Variants in RRM2 observed in about 807,000 individuals in gnomAD.
RRM2 encodes the protein ribonucleotide reductase regulatory subunit M2, also known as ribonucleoside-diphosphate reductase subunit M2.
A neutral mutation model predicts 45.9 loss-of-function variants in RRM2; 6 were observed. The ratio of observed to expected loss-of-function variants is 0.13; its 90% CI spans 0.07 to 0.26. The LOEUF (loss-of-function observed/expected upper bound fraction) is 0.26, where lower values mean the gene tolerates loss of function less well. Ranked by LOEUF, RRM2 falls within the 10% of genes least tolerant of loss-of-function variation. RRM2 has a pLI of 1.00. For missense variants in RRM2, 343 were observed against 489.5 expected (o/e 0.70, Z 2.82); for synonymous variants, 177 against 173.0 (o/e 1.02, Z -0.18).
chr2:10,152,240 G>A (rs189493316), intron 3 of RRM2, among the ~76,000 whole-genome samples: 256 of 152,024 alleles, frequency 1.7e-3, no homozygotes, highest in African/African-American at 5.8e-3. Flanking sequence ...GAGCCACCAT[G>A]CCCGGCCCCT....
intron 3 of RRM2, among the ~76,000 whole-genome samples, chr2:10,168,036 G>GTT (rs746974999): frequency 0.27 from 36,805 of 134,254 alleles, 5,304 homozygotes; most frequent in Non-Finnish European, 0.34. Context: ...AGGCTTTTCT[G>GTT]TTTTTTTTTT....
intron 3 of RRM2, among the ~76,000 whole-genome samples, chr2:10,181,577 G>A (rs1664047458): frequency 6.6e-6 from 1 of 152,046 alleles, no homozygotes; most frequent in African/African-American, 2.4e-5. Context: ...CTGGGCTCAG[G>A]CAAGCATTTC....
chr2:10,142,114 C>A, intron 2 of RRM2: 3 of 1,562,390 alleles, frequency 1.9e-6, no homozygotes, highest in South Asian at 1.2e-5. Flanking sequence ...GGAGGGTGGG[C>A]AAGCGCAAAG....
In RRM2 at chr2:10,123,815, T is replaced by G. The variant is rs1299669789; in HGVS notation, c.398T>G (p.Phe133Cys). ...ERYFISHVLA[F>C]FAASDGIVNE... is the part of the protein sequence containing the mutation. ...TATTTTATATCCCATGTTCTGGCTT[T>G]CTTTGCAGCAAGCGATGGCATAGTA... is the stretch of plus-strand genomic sequence containing the variant. The change falls in exon 4 of 10, where the codon TTC becomes TGC. Residue 133 changes from phenylalanine to cysteine, a missense_variant. Phe to Cys is a radical substitution (Grantham distance 205, BLOSUM62 -2). Around this residue, in one of 2 missense-constraint regions of RRM2, gnomAD observed 212 missense variants for 368.1 expected, o/e 0.58. Transcript: ENST00000304567. 2 of 1,609,906 alleles carry G rather than the reference T, an allele frequency of 1.2e-6. No homozygotes were observed. Among genetic ancestry groups the G allele is most frequent in the Non-Finnish European group, 1.7e-6 (2 of 1,176,234 alleles).
chr2:10,142,453 G>T (rs1440646566), intron 3 of RRM2: 1 of 1,326,526 alleles, frequency 7.5e-7, no homozygotes, highest in Non-Finnish European at 1.0e-6. Flanking sequence ...GTCATCTGCT[G>T]TTTCCTAGCT....
rs1558406887 is a variant in RRM2 at position 10,200,610 on chromosome 2, AGGGACCGCGCGCG to A, written n.483-9700_483-9688del. On this transcript the variant is annotated intron_variant and non_coding_transcript_variant, in intron 3 of 3. Transcript: ENST00000381786. The stretch of plus-strand genomic sequence containing the variant: ...CGCGCGCGCAAAATATGAGGCCCAC[AGGGACCGCGCGCG>A]CAAAATATGAGGCCCACAGGCACCG... Among the ~76,000 whole-genome samples, 102 of 57,532 alleles carry A rather than the reference AGGGACCGCGCGCG, an allele frequency of 1.8e-3. 10 individuals carry two copies. The highest frequency in any genetic ancestry group is 5.7e-3 in the African/African-American group (72 of 12,716). The allele number at this position is 57,532 out of a possible 152,430, so 37.7% of individuals were successfully genotyped here. A position where few individuals can be genotyped will look rare whatever the true frequency, so the allele number is the denominator to read the frequency against.
intron 3 of RRM2, among the ~76,000 whole-genome samples, chr2:10,163,247 G>C (rs1663605838): frequency 6.6e-6 from 1 of 151,872 alleles, no homozygotes; most frequent in Admixed American, 6.6e-5. Context: ...CAGGGAGAGG[G>C]GGAGCGAGCG....
chr2:10,154,821 C>T (rs1235542387), intron 3 of RRM2, among the ~76,000 whole-genome samples: 2 of 151,594 alleles, frequency 1.3e-5, no homozygotes, highest in Non-Finnish European at 2.9e-5. Flanking sequence ...TCAGCCTTCC[C>T]AAGTAGCTGG....
intron 4 of RRM2, 105 bp downstream of exon 4, chr2:10,123,957 T>C: frequency 1.4e-6 from 1 of 719,808 alleles, no homozygotes; most frequent in Non-Finnish European, 2.5e-6. Flanking sequence ...TGCATCTGTG[T>C]GTGTAAGCTG....
intron 3 of RRM2, among the ~76,000 whole-genome samples, chr2:10,165,050 C>A (rs894130638): frequency 6.6e-6 from 1 of 152,340 alleles, no homozygotes. Context: ...CTCTTGGGCT[C>A]AAGCCATCCT....
In RRM2 at chr2:10,123,521, C is replaced by A. The variant is rs561023083; in HGVS notation, c.309C>A (p.Thr103=). ...AGAAGGCAGAGGCTTCCTTTTGGAC[C>A]GCCGAGGAGGTAATCGGAGGACCCC... ...MYKKAEASFW[T]AEEVDLSKDI... is the part of the protein sequence containing the mutation. The change falls in exon 3 of 10, where the codon ACC becomes ACA. Residue 103 remains threonine (T), a synonymous_variant. Coordinates refer to ENST00000304567, the MANE Select transcript of RRM2 (RefSeq NM_001034.4). 1.9e-6 allele frequency: 3 copies of A among 1,612,730 alleles called. No individual in the cohort carries two copies.
upstream of RRM2, among the ~76,000 whole-genome samples, chr2:10,139,705 T>G (rs1327478400): frequency 2.6e-5 from 4 of 152,224 alleles, no homozygotes; most frequent in Non-Finnish European, 5.9e-5. Flanking sequence ...TTCAGAGAGC[T>G]GGACTGTCCC....
chr2:10,135,002 G>A (rs1486321041), downstream of RRM2, among the ~76,000 whole-genome samples: 1 of 152,156 alleles, frequency 6.6e-6, no homozygotes. Context: ...ATCATTAAAC[G>A]AATGTTTCAA....
In RRM2 at chr2:10,210,312, C is replaced by A. The variant is rs569213228; in HGVS notation, n.484C>A. Reference sequence around the variant, plus strand: ...AATCTTTCTTTCCTGTCCAATCAGTCTTCCAGGATCTCAACCAGTTCTCTC... The same window carrying A: ...AATCTTTCTTTCCTGTCCAATCAGTATTCCAGGATCTCAACCAGTTCTCTC... On this transcript the variant is annotated splice_region_variant and non_coding_transcript_exon_variant, in exon 4 of 4. Transcript: ENST00000381786. 13 of 1,365,916 alleles carry A rather than the reference C, an allele frequency of 9.5e-6. No individual in the cohort carries two copies. In the African/African-American group the frequency reaches 1.3e-4, roughly 14 times the overall value. The allele number at this position is 1,365,916 out of a possible 1,614,324, so 84.6% of individuals were successfully genotyped here.
intron 3 of RRM2, among the ~76,000 whole-genome samples, chr2:10,197,460 C>G (rs1337085033): frequency 6.6e-6 from 1 of 152,198 alleles, no homozygotes; most frequent in African/African-American, 2.4e-5. Flanking sequence ...TGCCCTGCCC[C>G]AGGCAGCACT....
chr2:10,159,162 C>T (rs1663499436), intron 3 of RRM2, among the ~76,000 whole-genome samples: 1 of 152,052 alleles, frequency 6.6e-6, no homozygotes, highest in African/African-American at 2.4e-5. Flanking sequence ...GGGCTGTATC[C>T]CTAAATGAGA....
chr2:10,125,518 A>G (rs1288560935), intron 5 of RRM2, among the ~76,000 whole-genome samples: 5 of 152,300 alleles, frequency 3.3e-5, no homozygotes, highest in African/African-American at 1.2e-4. Context: ...ATCCTGGCTA[A>G]CACGGTGAAA....
At chr2:10,186,926 C>T (rs1375424302) in intron 3 of RRM2, among the ~76,000 whole-genome samples, 1 of 152,228 alleles carries the variant, frequency 6.6e-6, no homozygotes, top group Non-Finnish European at 1.5e-5. Flanking sequence ...AGCGCTGAAC[C>T]ATCCAAGTTG....
intron 3 of RRM2, among the ~76,000 whole-genome samples, chr2:10,190,110 A>G (rs1331847358): frequency 7.7e-6 from 1 of 129,036 alleles, no homozygotes; most frequent in Non-Finnish European, 1.6e-5. Flanking sequence ...GATGGTGGAG[A>G]TGATAGTGAT....
Sources: allele counts gnomAD v4.1 joint callset (sites outside exome capture counted in the v4.1 genomes callset), GRCh38; gene constraint gnomAD v4.1.1; regional missense constraint gnomAD v4.1.1; transcripts MANE v1.5; gene names NCBI Gene and HGNC (gene_info 2026-07-23, HGNC 2026-07-21).